Variants in AKAP6 observed in about 807,000 individuals in gnomAD.
The protein encoded by AKAP6 is A-kinase anchoring protein 6.
Under a neutral mutation model 188.5 loss-of-function variants are expected in AKAP6, and 58 were observed. The ratio of observed to expected loss-of-function variants is 0.31; its 90% CI spans 0.25 to 0.38. The LOEUF is 0.38. Ranked by LOEUF, AKAP6 falls within the 10% of genes least tolerant of loss-of-function variation. AKAP6 has a pLI of 1.00. For synonymous variants in AKAP6, 989 were observed against 998.6 expected (o/e 0.99, Z 0.18); for missense variants, 2,710 against 2,740.0 (o/e 0.99, Z 0.24).
chr14:32,756,584 G>T (rs2032341951), intron 11 of AKAP6, among the ~76,000 whole-genome samples: 1 of 152,082 alleles, frequency 6.6e-6, no homozygotes, highest in African/African-American at 2.4e-5. Context: ...CTGGGGCTAT[G>T]GATGCTGACC....
At chr14:32,386,821 C>T (rs941505869) in intron 1 of AKAP6, among the ~76,000 whole-genome samples, 8 of 152,004 alleles carry the variant, frequency 5.3e-5, no homozygotes, top group African/African-American at 1.2e-4. Flanking sequence ...TTCTCCTACT[C>T]GTGGCTAGCC....
intron 1 of AKAP6, among the ~76,000 whole-genome samples, chr14:32,368,879 G>A (rs1951686): frequency 0.86 from 121,707 of 141,796 alleles, 52,132 homozygotes; most frequent in East Asian, 0.98. Flanking sequence ...TTAAGAAGAA[G>A]AAAAAAAAAA....
chr14:32,829,606 C>T (rs2034772515), intron 13 of AKAP6, among the ~76,000 whole-genome samples: 1 of 127,418 alleles, frequency 7.8e-6, no homozygotes, highest in African/African-American at 3.2e-5. Context: ...TTCTTTGAAA[C>T]CACGTCTTTT....
At chr14:32,342,413 G>T (rs1315662284) in intron 1 of AKAP6, among the ~76,000 whole-genome samples, 1 of 152,108 alleles carries the variant, frequency 6.6e-6, no homozygotes, top group African/African-American at 2.4e-5. Flanking sequence ...GAGTCACCAA[G>T]TTCTGTTTTG....
chr14:32,462,911 A>AC lies in AKAP6; in HGVS notation c.324+29094_324+29095insC, dbSNP rs1566517538. ...CAAGCAAATGGAAAGCAAAAAAAAA[A>AC]AAAAAAAAAAAAAAACCCGGGGTTG... On this transcript the variant is annotated intron_variant, in intron 2 of 13. Transcript: ENST00000280979. Among the ~76,000 whole-genome samples, 8 of 130,914 alleles carry AC rather than the reference A, an allele frequency of 6.1e-5. No individual in the cohort carries two copies. In the South Asian group the frequency reaches 1.7e-3, roughly 28 times the overall value. The allele number at this position is 130,914 out of a possible 152,430, so 85.9% of individuals were successfully genotyped here.
rs537761362 is a variant in AKAP6, at chr14:32,714,134, G to A, written c.3000+18024G>A. On this transcript the variant is annotated intron_variant, in intron 9 of 13. Coordinates refer to ENST00000280979, the MANE Select transcript of AKAP6 (RefSeq NM_004274.5). ...GAACTGCTGGTGGGTGGAGCAATGA[G>A]AACATACACAGCACTTACGGATTAA... Among the ~76,000 whole-genome samples the A allele has an allele frequency of 9.9e-5, 15 of 152,142 alleles. No homozygotes were observed. In the East Asian group the frequency reaches 2.9e-3, roughly 29 times the overall value.
chr14:32,363,249 A>G (rs1887722450), intron 1 of AKAP6, among the ~76,000 whole-genome samples: 1 of 152,238 alleles, frequency 6.6e-6, no homozygotes, highest in Non-Finnish European at 1.5e-5. Context: ...ACATGGGAAA[A>G]CAAGCATTTA....
At chr14:32,396,206 T>A (rs574480141) in intron 1 of AKAP6, among the ~76,000 whole-genome samples, 1 of 152,330 alleles carries the variant, frequency 6.6e-6, no homozygotes, top group Admixed American at 6.5e-5. Flanking sequence ...TGAAATATGA[T>A]AAATTTCACT....
intron 9 of AKAP6, among the ~76,000 whole-genome samples, chr14:32,713,941 A>C (rs999908505): frequency 6.6e-6 from 1 of 152,028 alleles, no homozygotes; most frequent in Non-Finnish European, 1.5e-5. Flanking sequence ...TTTTCAGACT[A>C]TCTCAGCTTT....
At chr14:32,444,138 A>G (rs972953742) in intron 2 of AKAP6, among the ~76,000 whole-genome samples, 21 of 152,156 alleles carry the variant, frequency 1.4e-4, no homozygotes, top group Middle Eastern at 3.2e-3. Context: ...ATAATGTGGT[A>G]AAAAAACAAA....
chr14:32,472,650 C>T (rs1234186230), intron 2 of AKAP6, among the ~76,000 whole-genome samples: 1 of 152,100 alleles, frequency 6.6e-6, no homozygotes, highest in East Asian at 1.9e-4. Flanking sequence ...TTCTCTGCAC[C>T]AACTGTCTCC....
At chr14:32,393,812 T>C (rs1296465744) in intron 1 of AKAP6, among the ~76,000 whole-genome samples, 1 of 152,178 alleles carries the variant, frequency 6.6e-6, no homozygotes, top group Non-Finnish European at 1.5e-5. Flanking sequence ...ACTCTTTTTC[T>C]AAAGAGATAC....
chr14:32,786,969 C>T (rs893330397), intron 12 of AKAP6, among the ~76,000 whole-genome samples: 7 of 152,182 alleles, frequency 4.6e-5, no homozygotes, highest in African/African-American at 1.7e-4. Flanking sequence ...AAACCTTACA[C>T]ATTTATTGGC....
intron 1 of AKAP6, among the ~76,000 whole-genome samples, chr14:32,426,850 G>T (rs188240811): frequency 6.6e-6 from 1 of 152,274 alleles, no homozygotes; most frequent in East Asian, 1.9e-4. Flanking sequence ...AATAATTGGG[G>T]AGAGGGGTAG....
chr14:32,545,881 G>A lies in AKAP6; in HGVS notation c.1228G>A (p.Gly410Arg). 3.7e-6 allele frequency: 6 copies of A among 1,614,202 alleles called. No homozygotes were observed. The highest frequency in any genetic ancestry group is 2.2e-5 in the East Asian group (1 of 44,892). The stretch of plus-strand genomic sequence containing the variant: ...TAAGAATGATCTGAAAGGCAATGGT[G>A]GAAAGAGGCAAATGGTTGATCTAAA... ...TFKNDLKGNG[G>R]KRQMVDLKPE... The change falls in exon 4 of 14, where the codon GGA (glycine) becomes AGA (arginine). Residue 410 changes from glycine to arginine, a missense_variant. Transcript: ENST00000280979.
At chr14:32,680,293 T>C (rs1889621923) in intron 8 of AKAP6, among the ~76,000 whole-genome samples, 1 of 152,208 alleles carries the variant, frequency 6.6e-6, no homozygotes, top group Non-Finnish European at 1.5e-5. Flanking sequence ...TCCTTTCTAT[T>C]TTCTGTTTAC....
At chr14:32,640,856 G>A (rs1887724944) in intron 7 of AKAP6, among the ~76,000 whole-genome samples, 1 of 152,104 alleles carries the variant, frequency 6.6e-6, no homozygotes, top group Non-Finnish European at 1.5e-5. Context: ...ACAGAAATAT[G>A]CAAACAAAAA....
Position 32,442,847 on chromosome 14 carries a change from C to T in AKAP6, c.324+9030C>T, listed in dbSNP as rs368239020. ...TGTCATAGCTACCTTGAATAAGGTA[C>T]CTATGCTGCTACCTTGCCCACTCTG... On this transcript the variant is annotated intron_variant, in intron 2 of 13. Coordinates refer to ENST00000280979, the MANE Select transcript of AKAP6 (RefSeq NM_004274.5). Among the ~76,000 whole-genome samples, 8 of 152,108 alleles carry T rather than the reference C, an allele frequency of 5.3e-5. No individual in the cohort carries two copies. In the East Asian group the frequency reaches 1.4e-3, roughly 26 times the overall value.
chr14:32,362,438 G>A (rs1039614365), intron 1 of AKAP6, among the ~76,000 whole-genome samples: 14 of 152,110 alleles, frequency 9.2e-5, no homozygotes, highest in African/African-American at 3.1e-4. Context: ...TGTCAGACTC[G>A]GGAAAAGCTT....
Sources: gnomAD v4.1 joint callset for allele counts (sites outside exome capture counted in the v4.1 genomes callset) on GRCh38, gnomAD v4.1.1 for gene constraint, MANE v1.5 for transcripts, NCBI Gene and HGNC (gene_info 2026-07-23, HGNC 2026-07-21) for gene names.